The following FBXW7 variants were observed in gnomAD, a reference collection of about 807,000 sequenced individuals.
FBXW7 encodes the protein F-box/WD repeat-containing protein 7.
In FBXW7, 11 loss-of-function variants were observed where a neutral mutation model predicts 86.3. That is an observed-to-expected ratio of 0.13 (90% CI 0.08 to 0.21). The LOEUF is 0.21. Ranked by LOEUF, FBXW7 falls within the 10% of genes least tolerant of loss-of-function variation. The pLI is 1.00. For synonymous variants in FBXW7, 313 were observed against 297.9 expected, an observed-to-expected ratio of 1.05 and a Z score of -0.52; for missense variants, 488 against 847.4, an observed-to-expected ratio of 0.58 and a Z score of 5.27.
chr4:152,423,117 T>G (rs1374807673), intron 2 of FBXW7, among the ~76,000 whole-genome samples: 1 of 152,220 alleles, frequency 6.6e-6, no homozygotes, highest in East Asian at 1.9e-4. Context: ...TACTTCATTA[T>G]GTGTCATCTA....
At position 152,405,978 on chromosome 4, in the gene FBXW7, G is replaced by A. The variant is rs567646268; in HGVS notation, c.501+5325C>T. On this transcript the variant is annotated intron_variant, in intron 4 of 13. Coordinates refer to ENST00000281708, the MANE Select transcript of FBXW7 (RefSeq NM_001349798.2). ...AAAACTATGGCTAAGGTGAATGATC[G>A]GAGCTTGAGAAATAATTTTGGAGTT... Among the ~76,000 whole-genome samples the A allele has an allele frequency of 2.6e-4, 39 of 152,256 alleles. No homozygotes were observed. The South Asian group carries it at 7.7e-3, about 30-fold the overall frequency.
chr4:152,459,956 A>G (rs1362875596), intron 2 of FBXW7, among the ~76,000 whole-genome samples: 1 of 152,164 alleles, frequency 6.6e-6, no homozygotes, highest in Non-Finnish European at 1.5e-5. Context: ...TAAAGACAGA[A>G]AGTAGATTAG....
intron 2 of FBXW7, among the ~76,000 whole-genome samples, chr4:152,491,243 T>C (rs1171812531): frequency 6.6e-6 from 1 of 152,158 alleles, no homozygotes; most frequent in Non-Finnish European, 1.5e-5. Flanking sequence ...CCTTACAACA[T>C]AAGCAGTAAT....
At chr4:152,502,463 G>A (rs573134297) in intron 2 of FBXW7, among the ~76,000 whole-genome samples, 172 of 152,122 alleles carry the variant, frequency 1.1e-3, no homozygotes, top group African/African-American at 3.6e-3. Flanking sequence ...ACCGTACTGC[G>A]TTTACTTAAA....
At chr4:152,395,720 G>A (rs374643841) in intron 4 of FBXW7, among the ~76,000 whole-genome samples, 18 of 151,972 alleles carry the variant, frequency 1.2e-4, no homozygotes, top group African/African-American at 4.3e-4. Flanking sequence ...GCAAACTATC[G>A]TAATTTTGCA....
chr4:152,348,807 G>A (rs1213578491), intron 5 of FBXW7: 3 of 520,262 alleles, frequency 5.8e-6, no homozygotes, highest in Middle Eastern at 3.4e-4. Context: ...AAAGCAAAAT[G>A]AAGTGAATAG....
At chr4:152,442,395 C>T (rs560541533) in intron 2 of FBXW7, among the ~76,000 whole-genome samples, 1 of 152,336 alleles carries the variant, frequency 6.6e-6, no homozygotes, top group East Asian at 1.9e-4. Flanking sequence ...TCCCAAGTAA[C>T]TCTTCACCAC....
chr4:152,431,169 G>A (rs911559808), intron 2 of FBXW7, among the ~76,000 whole-genome samples: 1 of 152,184 alleles, frequency 6.6e-6, no homozygotes, highest in African/African-American at 2.4e-5. Context: ...TTTCTGAAAT[G>A]GGAAGGAGAC....
intron 2 of FBXW7, among the ~76,000 whole-genome samples, chr4:152,485,980 C>A (rs1745299834): frequency 6.6e-6 from 1 of 152,178 alleles, no homozygotes; most frequent in African/African-American, 2.4e-5. Flanking sequence ...TTTACACAAG[C>A]CTACACGGTA....
At chr4:152,463,462 G>C (rs1743141600) in intron 2 of FBXW7, among the ~76,000 whole-genome samples, 1 of 151,916 alleles carries the variant, frequency 6.6e-6, no homozygotes, top group Admixed American at 6.6e-5. Flanking sequence ...GTCAAACTTA[G>C]GACCAAAATA....
intron 5 of FBXW7, among the ~76,000 whole-genome samples, chr4:152,349,544 G>T (rs1166795368): frequency 2.0e-5 from 3 of 151,726 alleles, no homozygotes; most frequent in African/African-American, 7.3e-5. Context: ...TATTCTACTG[G>T]TATAGAAAAG....
At chr4:152,344,168 A>C (rs1296711873) in intron 6 of FBXW7, among the ~76,000 whole-genome samples, 1 of 152,162 alleles carries the variant, frequency 6.6e-6, no homozygotes, top group Non-Finnish European at 1.5e-5. Context: ...CTTTATTATG[A>C]AATTATATCT....
intron 2 of FBXW7, among the ~76,000 whole-genome samples, chr4:152,434,275 T>C (rs955622211): frequency 5.3e-5 from 8 of 152,194 alleles, no homozygotes; most frequent in African/African-American, 1.7e-4. Flanking sequence ...TACATGAGTA[T>C]ATCCTTGCAT....
At chr4:152,344,893 T>G (rs528295502) in intron 6 of FBXW7, among the ~76,000 whole-genome samples, 4 of 152,312 alleles carry the variant, frequency 2.6e-5, no homozygotes, top group African/African-American at 9.6e-5. Context: ...CCTTTTCATA[T>G]AAAATAAGCA....
chr4:152,352,428 C>T, intron 4 of FBXW7: 2 of 1,611,146 alleles, frequency 1.2e-6, no homozygotes, highest in Non-Finnish European at 8.5e-7. Flanking sequence ...GGCAGGCATA[C>T]ACACACAATC....
At chr4:152,500,947 A>G (rs1746886712) in intron 2 of FBXW7, among the ~76,000 whole-genome samples, 1 of 152,164 alleles carries the variant, frequency 6.6e-6, no homozygotes, top group East Asian at 1.9e-4. Context: ...TCACAACTTC[A>G]CACTAAGATC....
chr4:152,377,240 A>T (rs575844218), intron 4 of FBXW7, among the ~76,000 whole-genome samples: 2 of 152,334 alleles, frequency 1.3e-5, no homozygotes, highest in African/African-American at 4.8e-5. Flanking sequence ...TGGGAGAGTT[A>T]TTCACTTGTC....
intron 2 of FBXW7, among the ~76,000 whole-genome samples, chr4:152,434,166 A>G (rs908904128): frequency 6.6e-6 from 1 of 152,222 alleles, no homozygotes; most frequent in Admixed American, 6.5e-5. Context: ...CCCTGCAGAT[A>G]CTGAGGGATG....
chr4:152,404,451 A>G (rs1417062390), intron 4 of FBXW7, among the ~76,000 whole-genome samples: 2 of 152,224 alleles, frequency 1.3e-5, no homozygotes, highest in African/African-American at 4.8e-5. Flanking sequence ...TTTTCTTTGC[A>G]TATGTATATA....
Sources: gnomAD v4.1 joint callset for allele counts (sites outside exome capture counted in the v4.1 genomes callset) on GRCh38, gnomAD v4.1.1 for gene constraint, MANE v1.5 for transcripts, NCBI Gene and HGNC (gene_info 2026-07-23, HGNC 2026-07-21) for gene names.